Variants in PHB2 observed in about 807,000 individuals in gnomAD.
PHB2 encodes prohibitin-2.
PHB2 carries 22 observed loss-of-function variants against 46.4 expected under a neutral mutation model. The ratio of observed to expected loss-of-function variants is 0.47; its 90% CI spans 0.34 to 0.68. PHB2 has a LOEUF of 0.68. PHB2 is among the 30% of genes least tolerant of loss of function. PHB2 has a pLI of 0.01. For missense variants in PHB2, 305 were observed against 382.8 expected, an observed-to-expected ratio of 0.80 and a Z score of 1.70; for synonymous variants, 156 against 150.5, an observed-to-expected ratio of 1.04 and a Z score of -0.27.
rs781900590 is a variant in PHB2 at position 6,970,492 on chromosome 12, C to G, written c.52G>C (p.Gly18Arg). Reference protein sequence around the residue: ...LAGRLPAGPRGMGTALKLLLG... With the variant: ...LAGRLPAGPRRMGTALKLLLG... ...AACAGCTTCAGGGCCGTGCCCATGC[C>G]CCGGGGCCCGGCGGGCAGCCGTCCC... Residue 18 changes from glycine (G) to arginine (R), a missense_variant, in exon 1 of 10, where the codon GGC becomes CGC. Physicochemically the swap from Gly to Arg is moderately radical, Grantham distance 125 (BLOSUM62 -2). Transcript: ENST00000535923. 2 of 1,605,356 alleles carry G rather than the reference C, an allele frequency of 1.2e-6. No homozygotes were observed. Among genetic ancestry groups the G allele is most frequent in the South Asian group, 1.1e-5 (1 of 90,952 alleles).
chr12:6,965,845 G>T (rs1946203502), intron 9 of PHB2, 66 bp downstream of exon 9: 2 of 1,588,624 alleles, frequency 1.3e-6, no homozygotes, highest in Admixed American at 1.7e-5. Context: ...GGGAAAGGGG[G>T]TAGGGTAGGA....
At chr12:6,969,881 A>G in intron 2 of PHB2, 2 of 572,260 alleles carry the variant, frequency 3.5e-6, no homozygotes, top group East Asian at 3.5e-5. Flanking sequence ...CCTGGGCGAC[A>G]GAGCAAGACT....
Position 6,967,957 on chromosome 12 carries a change from T to A in PHB2, c.542A>T (p.Asp181Val). 6.2e-7 allele frequency: 1 copy of A among 1,613,748 alleles called. No individual in the cohort carries two copies. The highest frequency in any genetic ancestry group is 1.3e-5 in the African/African-American group (1 of 75,052). Residue 181 changes from aspartate (D) to valine (V), a missense_variant, in exon 5 of 10, where the codon GAT becomes GTT. This residue lies in a region of PHB2 where 241 missense variants were observed against 302.7 expected (regional missense o/e 0.80). Coordinates refer to ENST00000535923, the MANE Select transcript of PHB2 (RefSeq NM_001144831.2). This position sits in a 1 kb window ranked among gnomAD's most constrained non-coding sequence, Gnocchi z 4.9. ...AAAGCTCAGCTCTGTGATGGCCACA[T>A]CATCCAGGATGAGGCTGAAGTCCTT... ...RAKDFSLILD[D>V]VAITELSFSR...
At chr12:6,970,151 G>T in intron 2 of PHB2, 45 bp downstream of exon 2, 1 of 1,429,498 alleles carries the variant, frequency 7.0e-7, no homozygotes. Context: ...CTGGGTCGGC[G>T]TCAAGGGTGA....
chr12:6,968,222 C>T lies in PHB2; in HGVS notation c.477+189G>A, dbSNP rs781808569. Among the ~76,000 whole-genome samples the T allele has an allele frequency of 3.3e-5, 5 of 152,372 alleles. No individual in the cohort carries two copies. In the South Asian group the frequency reaches 1.0e-3, roughly 32 times the overall value. On this transcript the variant is annotated intron_variant, in intron 4 of 9. Coordinates refer to ENST00000535923, the MANE Select transcript of PHB2 (RefSeq NM_001144831.2). ...GACTTGGCCATTTTCCTCTGTGCTT[C>T]CTAACACCGAGTGCTATCGAGTTCT...
At chr12:6,969,820 A>C in intron 2 of PHB2, 1 of 507,620 alleles carries the variant, frequency 2.0e-6, no homozygotes, top group Admixed American at 3.1e-5. Context: ...AATCGCTTGA[A>C]ATCAGGAGGC....
Position 6,967,825 on chromosome 12 carries a change from C to T in PHB2, c.608-46G>A. 6.2e-7 allele frequency: 1 copy of T among 1,609,876 alleles called. No homozygotes were observed. Among genetic ancestry groups the T allele is most frequent in the Admixed American group, 1.7e-5 (1 of 59,858 alleles). ...GGAGACCCTGTCCTGGGTCAGGAGC[C>T]CCACCCATGGAGTCTTTCCTCCTCC... On this transcript the variant is annotated intron_variant, in intron 5 of 9. Transcript: ENST00000535923. This position sits in a 1 kb window ranked among gnomAD's most constrained non-coding sequence, Gnocchi z 4.9.
In PHB2 at chr12:6,968,032, G is replaced by C; in HGVS notation, c.478-11C>G. ...GATCAACAGGGATACCTGAGGGCAG[G>C]GGTGAAGAGGGGAAGGGAGGGGTGG... On this transcript the variant is annotated splice_polypyrimidine_tract_variant and intron_variant, in intron 4 of 9. Coordinates refer to ENST00000535923, the MANE Select transcript of PHB2 (RefSeq NM_001144831.2). 17 of 1,587,384 alleles carry C rather than the reference G, an allele frequency of 1.1e-5. No homozygotes were observed. The highest frequency in any genetic ancestry group is 1.4e-5 in the Non-Finnish European group (16 of 1,162,294).
intron 4 of PHB2, 142 bp downstream of exon 4, chr12:6,968,267 TCA>T (rs1252398056): frequency 7.1e-6 from 5 of 707,758 alleles, no homozygotes; most frequent in Non-Finnish European, 1.2e-5. Flanking sequence ...TCTCCTTATT[TCA>T]CAGTGGCAAT....
Position 6,967,928 on chromosome 12 carries a change from G to C in PHB2, c.571C>G (p.Arg191Gly), listed in dbSNP as rs781990930. The change falls in exon 5 of 10, where the codon CGA (arginine) becomes GGA (glycine). Residue 191 changes from arginine to glycine, a missense_variant. Transcript: ENST00000535923. The surrounding 1 kb of genome is among the most constrained non-coding windows in gnomAD (Gnocchi z 4.9). ...GCTTCTACAGCAGCTGTGTACTCTC[G>C]GCTAAAGCTCAGCTCTGTGATGGCC... is the stretch of plus-strand genomic sequence containing the variant. ...DVAITELSFS[R>G]EYTAAVEAKQ... The C allele has an allele frequency of 3.1e-6, 5 of 1,613,862 alleles. No homozygotes were observed. The highest frequency in any genetic ancestry group is 4.2e-6 in the Non-Finnish European group (5 of 1,179,824).
intron 7 of PHB2, among the ~76,000 whole-genome samples, chr12:6,966,871 C>T (rs903312726): frequency 1.3e-5 from 2 of 152,156 alleles, no homozygotes; most frequent in African/African-American, 2.4e-5. Context: ...CAGCCTCCTG[C>T]GTAGCTGGGA....
In PHB2 at chr12:6,970,527, T is replaced by C; in HGVS notation, c.17A>G (p.Lys6Arg). The change falls in exon 1 of 10, where the codon AAG becomes AGG. Residue 6 changes from lysine (K) to arginine (R), a missense_variant. This residue lies in a region of PHB2 where 60 missense variants were observed against 61.0 expected (regional missense o/e 0.98). Transcript: ENST00000535923. MAQNL[K>R]DLAGRLPAGP... is the part of the protein sequence containing the mutation. Reference sequence around the variant, plus strand: ...GGCGGGCAGCCGTCCCGCCAAGTCCTTCAAGTTCTGGGCCATGTCTGATCT... The same window carrying C: ...GGCGGGCAGCCGTCCCGCCAAGTCCCTCAAGTTCTGGGCCATGTCTGATCT... 6.2e-7 allele frequency: 1 copy of C among 1,604,092 alleles called. No individual in the cohort carries two copies. The highest frequency in any genetic ancestry group is 1.1e-5 in the South Asian group (1 of 90,796).
At position 6,967,570 on chromosome 12, in the gene PHB2, A is replaced by G. The variant is rs782651986; in HGVS notation, c.711+106T>C. 2.0e-6 allele frequency: 2 copies of G among 1,006,056 alleles called. No homozygotes were observed. Among genetic ancestry groups the G allele is most frequent in the Non-Finnish European group, 3.2e-6 (2 of 633,382 alleles). The allele number at this position is 1,006,056 out of a possible 1,614,324, so 62.3% of individuals were successfully genotyped here. On this transcript the variant is annotated intron_variant, in intron 6 of 9. Transcript: ENST00000535923. The surrounding 1 kb of genome is among the most constrained non-coding windows in gnomAD (Gnocchi z 4.9). ...CCCAACAAGGAGCCAAGGGCCAGAG[A>G]GCACGGAGTCGCATTCGCCTTAGTC...
At chr12:6,966,175 C>G (rs1946208747) in intron 8 of PHB2, among the ~76,000 whole-genome samples, 1 of 152,196 alleles carries the variant, frequency 6.6e-6, no homozygotes, top group Non-Finnish European at 1.5e-5. Context: ...AACTGAGTAT[C>G]ATCTTTCATC....
intron 8 of PHB2, among the ~76,000 whole-genome samples, 158 bp downstream of exon 8, chr12:6,966,266 A>G (rs368305824): frequency 9.9e-5 from 15 of 152,224 alleles, no homozygotes; most frequent in African/African-American, 3.1e-4. Context: ...AATCAATCCT[A>G]TGAGATGCAA....
chr12:6,967,506 C>A lies in PHB2; in HGVS notation c.711+170G>T. ...ACAGTGGGGAGTCATGGCTCAGGTA[C>A]TACCACTAAGATTTCAGATCTCATC... On this transcript the variant is annotated intron_variant, in intron 6 of 9. Coordinates refer to ENST00000535923, the MANE Select transcript of PHB2 (RefSeq NM_001144831.2). The surrounding 1 kb of genome is among the most constrained non-coding windows in gnomAD (Gnocchi z 4.9). 1 of 908,400 alleles carries A rather than the reference C, an allele frequency of 1.1e-6. No homozygotes were observed. The allele number at this position is 908,400 out of a possible 1,614,324, so 56.3% of individuals were successfully genotyped here.
Position 6,965,463 on chromosome 12 carries a change from TC to T in PHB2, c.*221del. The T allele has an allele frequency of 3.3e-6, 2 of 603,946 alleles. No individual in the cohort carries two copies. Among genetic ancestry groups the T allele is most frequent in the Non-Finnish European group, 5.9e-6 (2 of 337,342 alleles). 37.4% of individuals were successfully genotyped at this position (603,946 alleles called of 1,614,324 possible). ...GAAATCACTGAGAAATCACGCACTG[TC>T]CCCAACAGCCCCAGTTAACACAGGG... On this transcript the variant is annotated 3_prime_UTR_variant, in exon 10 of 10. Coordinates refer to ENST00000535923, the MANE Select transcript of PHB2 (RefSeq NM_001144831.2).
In PHB2 at chr12:6,965,826, C is replaced by A. The variant is rs1248359585; in HGVS notation, c.872+85G>T. The stretch of plus-strand genomic sequence containing the variant: ...CCTACCCTGATTGAGGGTTTGTCTT[C>A]GGGGAGGTGGGAAAGGGGGTAGGGT... On this transcript the variant is annotated intron_variant, in intron 9 of 9. Transcript: ENST00000535923. 2.5e-6 allele frequency: 4 copies of A among 1,574,492 alleles called. No homozygotes were observed. The East Asian group carries it at 6.7e-5, about 27-fold the overall frequency.
At chr12:6,968,145 G>A (rs1410001799) in intron 4 of PHB2, 124 bp from the exon 5 acceptor site, 8 of 915,056 alleles carry the variant, frequency 8.7e-6, no homozygotes, top group Non-Finnish European at 1.1e-5. Flanking sequence ...CTTCCTGTCA[G>A]GCAAACCTGT....
Sources: gnomAD v4.1 joint callset for allele counts (sites outside exome capture counted in the v4.1 genomes callset) on GRCh38, gnomAD v4.1.1 for gene constraint, gnomAD v4.1.1 regional missense constraint, Gnocchi (gnomAD v3.1) non-coding constraint, MANE v1.5 for transcripts, NCBI Gene and HGNC (gene_info 2026-07-23, HGNC 2026-07-21) for gene names.